Variants in GALNT1 observed in about 807,000 individuals in gnomAD.
The protein encoded by GALNT1 is polypeptide N-acetylgalactosaminyltransferase 1, also known as GalNAc transferase 1.
GALNT1 carries 17 observed loss-of-function variants against 65.7 expected under a neutral mutation model. That is an observed-to-expected ratio of 0.26 (90% CI 0.18 to 0.39). GALNT1 has a LOEUF of 0.39. Ranked by LOEUF, GALNT1 falls within the 10% of genes least tolerant of loss-of-function variation. The pLI is 1.00. For missense variants in GALNT1, 460 were observed against 672.8 expected, an observed-to-expected ratio of 0.68 and a Z score of 3.50; for synonymous variants, 210 against 219.7, an observed-to-expected ratio of 0.96 and a Z score of 0.39.
intron 1 of GALNT1, among the ~76,000 whole-genome samples, chr18:35,641,070 C>T (rs1346142071): frequency 6.6e-6 from 1 of 152,150 alleles, no homozygotes; most frequent in Non-Finnish European, 1.5e-5. Flanking sequence ...AAGCAATCCT[C>T]CCACCTTGGC....
At chr18:35,629,031 G>A (rs1170704945) in intron 1 of GALNT1, among the ~76,000 whole-genome samples, 1 of 152,192 alleles carries the variant, frequency 6.6e-6, no homozygotes, top group African/African-American at 2.4e-5. Context: ...AGAATAAAAA[G>A]AAATGAACAA....
intron 1 of GALNT1, among the ~76,000 whole-genome samples, chr18:35,631,624 G>A (rs896769618): frequency 8.8e-4 from 134 of 152,234 alleles, no homozygotes; most frequent in Non-Finnish European, 1.5e-3. Context: ...AAAACTGGAA[G>A]CATTCCCTTT....
chr18:35,582,249 G>A (rs769234737), intron 1 of GALNT1, among the ~76,000 whole-genome samples: 54 of 152,144 alleles, frequency 3.5e-4, no homozygotes, highest in South Asian at 4.1e-4. Context: ...GGGAAGACAC[G>A]CCGGCAGCGG....
chr18:35,695,616 C>T (rs530997118), intron 9 of GALNT1, among the ~76,000 whole-genome samples: 30 of 152,274 alleles, frequency 2.0e-4, no homozygotes, highest in Non-Finnish European at 3.8e-4. Flanking sequence ...CACAGACTTA[C>T]GCATTTATCC....
chr18:35,695,824 G>A (rs114658544), intron 9 of GALNT1, among the ~76,000 whole-genome samples: 1,584 of 152,288 alleles, frequency 0.01, 30 homozygotes, highest in African/African-American at 0.036. Flanking sequence ...CCCAGGGTGA[G>A]TGGTGCGCCA....
At chr18:35,629,927 C>G (rs938766374) in intron 1 of GALNT1, among the ~76,000 whole-genome samples, 1 of 152,120 alleles carries the variant, frequency 6.6e-6, no homozygotes, top group Non-Finnish European at 1.5e-5. Context: ...ATAAGTCAGA[C>G]TTTAAACCAA....
At chr18:35,604,168 A>G (rs985290265) in intron 1 of GALNT1, among the ~76,000 whole-genome samples, 1 of 152,074 alleles carries the variant, frequency 6.6e-6, no homozygotes, top group African/African-American at 2.4e-5. Flanking sequence ...TTATAAGAAC[A>G]TGTGGTATTT....
chr18:35,620,346 CT>C (rs2046835761), intron 1 of GALNT1, among the ~76,000 whole-genome samples: 1 of 152,270 alleles, frequency 6.6e-6, no homozygotes, highest in South Asian at 2.1e-4. Context: ...ATTGGCCAAC[CT>C]AATCTTCAAG....
At chr18:35,679,796 G>A (rs1036601338) in intron 4 of GALNT1, among the ~76,000 whole-genome samples, 8 of 152,088 alleles carry the variant, frequency 5.3e-5, no homozygotes, top group African/African-American at 1.2e-4. Flanking sequence ...TGTTTAAGTC[G>A]TAATTGTTAG....
intron 1 of GALNT1, among the ~76,000 whole-genome samples, chr18:35,599,480 C>G (rs2046552957): frequency 1.3e-5 from 2 of 151,250 alleles, no homozygotes; most frequent in South Asian, 4.2e-4. Context: ...AAGTGATCCT[C>G]CCACCTCAGC....
intron 1 of GALNT1, among the ~76,000 whole-genome samples, chr18:35,598,201 A>T (rs528427690): frequency 7.2e-4 from 109 of 151,392 alleles, no homozygotes; most frequent in Non-Finnish European, 1.3e-3. Flanking sequence ...CCCCCTGCTA[A>T]TTTTTGTATT....
intron 1 of GALNT1, among the ~76,000 whole-genome samples, chr18:35,639,377 A>G (rs1261723882): frequency 6.6e-6 from 1 of 152,208 alleles, no homozygotes; most frequent in Non-Finnish European, 1.5e-5. Context: ...TTAGCAGTAA[A>G]ATTTTTAAAT....
intron 1 of GALNT1, among the ~76,000 whole-genome samples, chr18:35,582,789 C>T (rs1165166188): frequency 1.3e-5 from 2 of 152,230 alleles, no homozygotes; most frequent in African/African-American, 4.8e-5. Context: ...AGGTCACAAT[C>T]TGAGCAGCAG....
At chr18:35,606,227 T>C (rs2046645380) in intron 1 of GALNT1, among the ~76,000 whole-genome samples, 1 of 152,110 alleles carries the variant, frequency 6.6e-6, no homozygotes, top group African/African-American at 2.4e-5. Flanking sequence ...TGGAAGTGAG[T>C]CATGGCATTT....
intron 3 of GALNT1, among the ~76,000 whole-genome samples, chr18:35,671,019 A>G (rs904446207): frequency 1.3e-5 from 2 of 152,240 alleles, no homozygotes; most frequent in African/African-American, 4.8e-5. Context: ...GCAAAGCCCT[A>G]AAAGATCACA....
chr18:35,685,759 A>G (rs1186783188), intron 5 of GALNT1, among the ~76,000 whole-genome samples: 2 of 152,224 alleles, frequency 1.3e-5, no homozygotes, highest in African/African-American at 2.4e-5. Flanking sequence ...AATGTTGCCA[A>G]ACACGAGATT....
In GALNT1 at chr18:35,581,776, A is replaced by G. The variant is rs2046319737; in HGVS notation, c.-190A>G. 2 of 3,232 alleles carry G rather than the reference A, an allele frequency of 6.2e-4. No individual in the cohort carries two copies. Among genetic ancestry groups the G allele is most frequent in the Non-Finnish European group, 1.1e-3 (2 of 1,896 alleles). 0.2% of individuals were successfully genotyped at this position (3,232 alleles called of 1,614,324 possible). A position where few individuals can be genotyped will look rare whatever the true frequency, so the allele number is the denominator to read the frequency against. On this transcript the variant is annotated 5_prime_UTR_variant, in exon 1 of 12. Transcript: ENST00000269195. Reference sequence around the variant, plus strand: ...AGCGCGCGGCGGACGGCGGCCCGAGAGTAGCGCGCTGGCCGCGGGACCGGC... The same window carrying G: ...AGCGCGCGGCGGACGGCGGCCCGAGGGTAGCGCGCTGGCCGCGGGACCGGC...
chr18:35,701,944 C>A (rs762427829), intron 9 of GALNT1, among the ~76,000 whole-genome samples: 6 of 152,158 alleles, frequency 3.9e-5, no homozygotes, highest in Non-Finnish European at 5.9e-5. Context: ...TGCCTGGATA[C>A]ATTGTCTTAC....
At chr18:35,699,011 C>T (rs922280236) in intron 9 of GALNT1, among the ~76,000 whole-genome samples, 1 of 151,854 alleles carries the variant, frequency 6.6e-6, no homozygotes, top group Admixed American at 6.6e-5. Flanking sequence ...TAAAATAAGC[C>T]AACACAGGAG....
Sources: allele counts gnomAD v4.1 joint callset (sites outside exome capture counted in the v4.1 genomes callset), GRCh38; gene constraint gnomAD v4.1.1; transcripts MANE v1.5; gene names NCBI Gene and HGNC (gene_info 2026-07-23, HGNC 2026-07-21).